The following RB1CC1 variants were observed in gnomAD, a reference collection of about 807,000 sequenced individuals.
RB1CC1 encodes RB1 inducible coiled-coil 1.
RB1CC1 carries 46 observed loss-of-function variants against 177.5 expected under a neutral mutation model. The ratio of observed to expected loss-of-function variants is 0.26; its 90% CI spans 0.20 to 0.33. The LOEUF (loss-of-function observed/expected upper bound fraction) is 0.33. Among genes scored for constraint, RB1CC1 ranks in the 10% least tolerant of loss-of-function variants. The pLI is 1.00. For missense variants in RB1CC1, 1,703 were observed against 1,816.3 expected (o/e 0.94, Z 1.13); for synonymous variants, 666 against 613.6 (o/e 1.09, Z -1.26).
At chr8:52,668,843 A>G (rs1420768141) in intron 7 of RB1CC1, among the ~76,000 whole-genome samples, 1 of 152,196 alleles carries the variant, frequency 6.6e-6, no homozygotes, top group Admixed American at 6.5e-5. Context: ...AGGCTCTTCA[A>G]CAGTTAGCAT....
Position 52,655,989 on chromosome 8 carries a change from G to T in RB1CC1, c.3821+19C>A, listed in dbSNP as rs539250005. The T allele has an allele frequency of 2.7e-5, 42 of 1,528,650 alleles. No individual in the cohort carries two copies. Among genetic ancestry groups the T allele is most frequent in the Non-Finnish European group, 3.8e-5 (42 of 1,116,980 alleles). The allele number at this position is 1,528,650 out of a possible 1,614,324, so 94.7% of individuals were successfully genotyped here. On this transcript the variant is annotated intron_variant, in intron 15 of 23. Coordinates refer to ENST00000025008, the MANE Select transcript of RB1CC1 (RefSeq NM_014781.5). ...CTGATATTTTAATTTTATAATTACAGACTAAACTTAATTCTTACCTTTTTG... is the reference window on the plus strand; with the variant it reads ...CTGATATTTTAATTTTATAATTACATACTAAACTTAATTCTTACCTTTTTG...
intron 21 of RB1CC1, among the ~76,000 whole-genome samples, chr8:52,628,723 C>T (rs982527470): frequency 6.6e-6 from 1 of 151,972 alleles, no homozygotes; most frequent in Non-Finnish European, 1.5e-5. Flanking sequence ...GAAGTGGGTA[C>T]AACCAATTAC....
At chr8:52,636,784 C>T (rs111245266) in intron 18 of RB1CC1, among the ~76,000 whole-genome samples, 13 of 152,274 alleles carry the variant, frequency 8.5e-5, no homozygotes, top group African/African-American at 3.1e-4. Flanking sequence ...AAGGGTCCAA[C>T]TTCATCCTTT....
intron 22 of RB1CC1, 128 bp downstream of exon 22, chr8:52,627,904 A>C: frequency 1.3e-6 from 1 of 754,118 alleles, no homozygotes. Flanking sequence ...ATTTTATAAA[A>C]AAGCAGATTA....
intron 8 of RB1CC1, among the ~76,000 whole-genome samples, chr8:52,662,937 A>G (rs2150508577): frequency 6.6e-6 from 1 of 152,244 alleles, no homozygotes; most frequent in East Asian, 1.9e-4. Flanking sequence ...AAAATATAGA[A>G]TCAATCCCAA....
At chr8:52,711,513 T>C (rs1448078304) in intron 1 of RB1CC1, among the ~76,000 whole-genome samples, 1 of 152,214 alleles carries the variant, frequency 6.6e-6, no homozygotes, top group Non-Finnish European at 1.5e-5. Context: ...AAATTTCCAG[T>C]GGTTACCCAT....
intron 11 of RB1CC1, 112 bp downstream of exon 11, chr8:52,660,814 T>C (rs1591006056): frequency 3.6e-6 from 4 of 1,112,360 alleles, no homozygotes; most frequent in Non-Finnish European, 5.1e-6. Context: ...GAATATTTCC[T>C]AGATATCAAT....
At chr8:52,648,516 G>C (rs1236697011) in intron 15 of RB1CC1, among the ~76,000 whole-genome samples, 1 of 152,176 alleles carries the variant, frequency 6.6e-6, no homozygotes, top group East Asian at 1.9e-4. Flanking sequence ...AAGCTGTGTA[G>C]AGGGGAGGGA....
At chr8:52,698,005 T>A (rs1313763470) in intron 1 of RB1CC1, among the ~76,000 whole-genome samples, 1 of 152,240 alleles carries the variant, frequency 6.6e-6, no homozygotes, top group Non-Finnish European at 1.5e-5. Flanking sequence ...AATATTTGTC[T>A]ACCCATACTT....
At chr8:52,678,599 G>A (rs576362563) in intron 5 of RB1CC1, among the ~76,000 whole-genome samples, 29 of 152,282 alleles carry the variant, frequency 1.9e-4, no homozygotes, top group East Asian at 5.8e-4. Flanking sequence ...TGCAACGAAA[G>A]AGGAAGTATT....
intron 20 of RB1CC1, among the ~76,000 whole-genome samples, chr8:52,633,051 A>T (rs1848875921): frequency 6.6e-6 from 1 of 152,122 alleles, no homozygotes; most frequent in South Asian, 2.1e-4. Context: ...TCTACCTATG[A>T]CCTGGAAGCC....
chr8:52,641,384 C>CAAAAAAAAAAAAAAAAAAATA (rs1849565894), intron 18 of RB1CC1, among the ~76,000 whole-genome samples: 1 of 97,502 alleles, frequency 1.0e-5, no homozygotes, highest in African/African-American at 4.0e-5. Flanking sequence ...GACTTCATCT[C>CAAAAAAAAAAAAAAAAAAATA]AAAAAAAAAA....
In RB1CC1 at chr8:52,714,150, G is replaced by T; in HGVS notation, c.-242C>A. The T allele has an allele frequency of 3.6e-6, 1 of 280,700 alleles. No homozygotes were observed. The highest frequency in any genetic ancestry group is 7.3e-6 in the Non-Finnish European group (1 of 136,108). 17.4% of individuals were successfully genotyped at this position (280,700 alleles called of 1,614,324 possible). ...CGGCACCATCTTCCGCCGCCGCCTA[G>T]TCCTCGGCAGCGGTTACCAACCGCC... On this transcript the variant is annotated 5_prime_UTR_variant, in exon 1 of 24. Transcript: ENST00000025008.
intron 5 of RB1CC1, among the ~76,000 whole-genome samples, chr8:52,682,295 G>A (rs1193681740): frequency 1.3e-5 from 2 of 152,002 alleles, no homozygotes; most frequent in African/African-American, 4.8e-5. Context: ...TTCACCTTTC[G>A]CCTCCTGCCA....
At chr8:52,696,343 A>C (rs559218481) in intron 1 of RB1CC1, among the ~76,000 whole-genome samples, 1 of 152,276 alleles carries the variant, frequency 6.6e-6, no homozygotes, top group East Asian at 1.9e-4. Context: ...CGCCCGGCCT[A>C]CTTTGGTTTC....
At chr8:52,692,301 C>G (rs1213170462) in intron 1 of RB1CC1, among the ~76,000 whole-genome samples, 2 of 152,002 alleles carry the variant, frequency 1.3e-5, no homozygotes, top group Non-Finnish European at 2.9e-5. Context: ...TATAAAACTC[C>G]ATGATACCTA....
intron 8 of RB1CC1, among the ~76,000 whole-genome samples, chr8:52,664,948 T>C (rs574348953): frequency 6.6e-6 from 1 of 152,196 alleles, no homozygotes; most frequent in African/African-American, 2.4e-5. Flanking sequence ...GGAGGACTAA[T>C]AGCAATATTT....
Position 52,657,395 on chromosome 8 carries a change from T to C in RB1CC1, c.2434A>G (p.Ile812Val), listed in dbSNP as rs767411482. 2.5e-6 allele frequency: 4 copies of C among 1,614,038 alleles called. No homozygotes were observed. Among genetic ancestry groups the C allele is most frequent in the South Asian group, 2.2e-5 (2 of 91,082 alleles). ...CAAAGGTCTTCCTTAATGGTTTGTA[T>C]ACTGAAGTGAGAGTCTTGGGCAACA... ...RVVAQDSHFS[I>V]QTIKEDLCHF... is the part of the protein sequence containing the mutation. The change falls in exon 15 of 24, where the codon ATA (isoleucine) becomes GTA (valine). Residue 812 changes from isoleucine (I) to valine (V), a missense_variant. By Grantham distance (29) the Ile-to-Val change is conservative. Coordinates refer to ENST00000025008, the MANE Select transcript of RB1CC1 (RefSeq NM_014781.5).
chr8:52,623,912 TCTCTCA>T (rs1848206918), intron 23 of RB1CC1, 53 bp from the exon 24 acceptor site: 1 of 1,163,298 alleles, frequency 8.6e-7, no homozygotes, highest in African/African-American at 1.6e-5. Flanking sequence ...CACATCTCTC[TCTCTCA>T]CACACACACA....
Sources: allele counts gnomAD v4.1 joint callset (sites outside exome capture counted in the v4.1 genomes callset), GRCh38; gene constraint gnomAD v4.1.1; transcripts MANE v1.5; gene names NCBI Gene and HGNC (gene_info 2026-07-23, HGNC 2026-07-21).